NPNT: variants seen among roughly 807,000 people sequenced by gnomAD.
The protein encoded by NPNT is nephronectin.
NPNT carries 45 observed loss-of-function variants against 68.6 expected under a neutral mutation model. The observed-to-expected ratio is 0.66, with a 90% confidence interval of 0.52 to 0.84. The LOEUF (loss-of-function observed/expected upper bound fraction) is 0.84. Ranked by LOEUF, NPNT falls within the 40% of genes least tolerant of loss-of-function variation. The pLI is 0.00. For missense variants in NPNT, 672 were observed against 714.8 expected (o/e 0.94, Z 0.68); for synonymous variants, 233 against 253.3 (o/e 0.92, Z 0.76).
chr4:105,895,533 C>A lies in NPNT; in HGVS notation c.-120C>A. On this transcript the variant is annotated 5_prime_UTR_variant, in exon 1 of 12. Coordinates refer to ENST00000379987, the MANE Select transcript of NPNT (RefSeq NM_001033047.3). Reference sequence around the variant, plus strand: ...GTCCTCCGGGAGCGGCAGCAGTAGCCCGGGCGGCGAGGGCTGGGGGTTCCT... The same window carrying A: ...GTCCTCCGGGAGCGGCAGCAGTAGCACGGGCGGCGAGGGCTGGGGGTTCCT... 1 of 799,106 alleles carries A rather than the reference C, an allele frequency of 1.3e-6. No individual in the cohort carries two copies. The highest frequency in any genetic ancestry group is 1.8e-5 in the South Asian group (1 of 54,802). The allele number at this position is 799,106 out of a possible 1,614,324, so 49.5% of individuals were successfully genotyped here. A position where few individuals can be genotyped will look rare whatever the true frequency, so the allele number is the denominator to read the frequency against.
intron 8 of NPNT, among the ~76,000 whole-genome samples, chr4:105,956,643 A>T (rs945807931): frequency 6.6e-6 from 1 of 152,206 alleles, no homozygotes; most frequent in African/African-American, 2.4e-5. Flanking sequence ...CTGTCACAAG[A>T]AAGCACGCTT....
chr4:105,963,984 G>A (rs1331454592), intron 10 of NPNT, among the ~76,000 whole-genome samples: 2 of 151,796 alleles, frequency 1.3e-5, no homozygotes, highest in African/African-American at 2.4e-5. Context: ...GTCACTTATC[G>A]ATACTACCTT....
chr4:105,942,346 A>G lies in NPNT; in HGVS notation c.803A>G (p.His268Arg), dbSNP rs765730615. ...KVMIEPSGPI[H>R]VPKGNGTILK... ...ATGATTGAACCTTCAGGTCCAATTC[A>G]TGTACCAAAGGGAAATGGTACCATT... Residue 268 changes from histidine to arginine, a missense_variant, in exon 8 of 12, where the codon CAT becomes CGT. Coordinates refer to ENST00000379987, the MANE Select transcript of NPNT (RefSeq NM_001033047.3). The G allele has an allele frequency of 3.1e-6, 5 of 1,610,862 alleles. No individual in the cohort carries two copies. The highest frequency in any genetic ancestry group is 1.3e-5 in the African/African-American group (1 of 74,878).
rs35297511 is a variant in NPNT at position 105,959,809 on chromosome 4, CTTT to C, written c.1345+699_1345+701del. On this transcript the variant is annotated intron_variant, in intron 10 of 11. Coordinates refer to ENST00000379987, the MANE Select transcript of NPNT (RefSeq NM_001033047.3). ...GCTTTTCTCCCCTCAGTAGTTAAAT[CTTT>C]TTTTTTTTTTTTTTTGAGATGGAGT... Among the ~76,000 whole-genome samples, 1,171 of 131,504 alleles carry C rather than the reference CTTT, an allele frequency of 8.9e-3. 16 individuals carry two copies. The highest frequency in any genetic ancestry group is 0.031 in the African/African-American group (1,107 of 35,922). The allele number at this position is 131,504 out of a possible 152,430, so 86.3% of individuals were successfully genotyped here.
chr4:105,960,680 C>T (rs1022954071), intron 10 of NPNT, among the ~76,000 whole-genome samples: 1 of 152,120 alleles, frequency 6.6e-6, no homozygotes, highest in Non-Finnish European at 1.5e-5. Flanking sequence ...CTGTCTTACT[C>T]ATTTAAAGTT....
chr4:105,950,787 A>G (rs1215901795), intron 8 of NPNT, among the ~76,000 whole-genome samples: 4 of 152,112 alleles, frequency 2.6e-5, no homozygotes, highest in African/African-American at 9.7e-5. Flanking sequence ...GCTCCCCTGC[A>G]ACACATGGTT....
intron 5 of NPNT, among the ~76,000 whole-genome samples, chr4:105,939,204 G>T (rs1729729541): frequency 6.6e-6 from 1 of 152,166 alleles, no homozygotes; most frequent in South Asian, 2.1e-4. Flanking sequence ...TAAAATTACA[G>T]ACAATGCCAA....
chr4:105,926,779 G>A (rs1409892680), intron 2 of NPNT, among the ~76,000 whole-genome samples: 4 of 151,996 alleles, frequency 2.6e-5, no homozygotes, highest in Non-Finnish European at 5.9e-5. Flanking sequence ...TGAATCTTAG[G>A]GTTAAGAAAG....
chr4:105,914,251 T>C (rs1220026642), intron 2 of NPNT, among the ~76,000 whole-genome samples: 5 of 145,504 alleles, frequency 3.4e-5, no homozygotes, highest in Non-Finnish European at 7.5e-5. Context: ...CAGTATATAC[T>C]GATAGTGAGT....
At chr4:105,923,018 A>T (rs1306222060) in intron 2 of NPNT, among the ~76,000 whole-genome samples, 1 of 152,248 alleles carries the variant, frequency 6.6e-6, no homozygotes, top group Non-Finnish European at 1.5e-5. Context: ...TCTGATAGCC[A>T]GTAGCACCAG....
chr4:105,941,004 T>C (rs1729903040), intron 7 of NPNT, among the ~76,000 whole-genome samples: 1 of 144,658 alleles, frequency 6.9e-6, no homozygotes. Context: ...ATATTCTACA[T>C]TTTTTTCCCT....
At chr4:105,934,233 AT>A (rs1729345898) in intron 3 of NPNT, among the ~76,000 whole-genome samples, 1 of 152,220 alleles carries the variant, frequency 6.6e-6, no homozygotes. Context: ...TCTCCAATAG[AT>A]TGTGATAATG....
At chr4:105,914,450 CATAAT>C (rs570317987) in intron 2 of NPNT, among the ~76,000 whole-genome samples, 150 of 127,612 alleles carry the variant, frequency 1.2e-3, no homozygotes, top group African/African-American at 3.8e-3. Context: ...ATTACATATA[CATAAT>C]ATAATATATA....
chr4:105,955,565 A>G (rs1409609207), intron 8 of NPNT, among the ~76,000 whole-genome samples: 1 of 151,996 alleles, frequency 6.6e-6, no homozygotes, highest in Non-Finnish European at 1.5e-5. Flanking sequence ...TCTTTTTACA[A>G]TCCTAAAAAC....
At position 105,958,533 on chromosome 4, in the gene NPNT, G is replaced by A; in HGVS notation, c.1222G>A (p.Asp408Asn). 6.2e-7 allele frequency: 1 copy of A among 1,607,844 alleles called. No individual in the cohort carries two copies. The highest frequency in any genetic ancestry group is 8.5e-7 in the Non-Finnish European group (1 of 1,175,290). Residue 408 changes from aspartate to asparagine, a missense_variant, in exon 9 of 12, where the codon GAC becomes AAC. Transcript: ENST00000379987. ...IFEIERGVSADDEAKDDPGVL... is the reference protein window; with the variant it reads ...IFEIERGVSANDEAKDDPGVL... ...TGAAATAGAAAGAGGAGTCAGTGCAGACGATGAAGCAAAGGATGATCCAGG... is the reference window on the plus strand; with the variant it reads ...TGAAATAGAAAGAGGAGTCAGTGCAAACGATGAAGCAAAGGATGATCCAGG...
chr4:105,954,641 C>A (rs1039587238), intron 8 of NPNT, among the ~76,000 whole-genome samples: 1 of 152,192 alleles, frequency 6.6e-6, no homozygotes, highest in African/African-American at 2.4e-5. Flanking sequence ...GCCCTTCCTC[C>A]TGCACCTTCT....
At chr4:105,930,902 C>A (rs1729057121) in intron 3 of NPNT, among the ~76,000 whole-genome samples, 1 of 152,084 alleles carries the variant, frequency 6.6e-6, no homozygotes, top group Non-Finnish European at 1.5e-5. Flanking sequence ...GTGTGATCTG[C>A]TTTTGGTGGC....
rs1254402015 is a variant in NPNT, at chr4:105,970,549, A to C, written c.*1559A>C. 7.3e-6 allele frequency: 5 copies of C among 681,432 alleles called. No homozygotes were observed. The highest frequency in any genetic ancestry group is 1.3e-5 in the Non-Finnish European group (5 of 370,534). 42.2% of individuals were successfully genotyped at this position (681,432 alleles called of 1,614,324 possible). On this transcript the variant is annotated 3_prime_UTR_variant, in exon 12 of 12. Transcript: ENST00000379987. The stretch of plus-strand genomic sequence containing the variant: ...AGAGGGTGGCGACCAGCTGTTCTCC[A>C]TATGCACTAAGAATAGAACAAGAGG...
Position 105,922,427 on chromosome 4 carries a change from G to A in NPNT, c.173-4909G>A, listed in dbSNP as rs578098131. ...TTTTGAGATCAAGTCTCACTCTGTC[G>A]CCCAAGCTGGAGTGCAGTGGCGCAG... is the stretch of plus-strand genomic sequence containing the variant. On this transcript the variant is annotated intron_variant, in intron 2 of 11. Coordinates refer to ENST00000379987, the MANE Select transcript of NPNT (RefSeq NM_001033047.3). 1.4e-4 allele frequency among the ~76,000 whole-genome samples: 20 copies of A among 147,284 alleles called. No homozygotes were observed. The South Asian group carries it at 3.0e-3, about 22-fold the overall frequency.
Sources: allele counts gnomAD v4.1 joint callset (sites outside exome capture counted in the v4.1 genomes callset), GRCh38; gene constraint gnomAD v4.1.1; transcripts MANE v1.5; gene names NCBI Gene and HGNC (gene_info 2026-07-23, HGNC 2026-07-21).